Variants in TTC39C observed in about 807,000 individuals in gnomAD.
TTC39C encodes tetratricopeptide repeat protein 39C.
A neutral mutation model predicts 76.3 loss-of-function variants in TTC39C; 33 were observed. That is an observed-to-expected ratio of 0.43 (90% CI 0.33 to 0.58). The LOEUF (loss-of-function observed/expected upper bound fraction) is 0.58. TTC39C is among the 20% of genes least tolerant of loss of function. The pLI, the probability that TTC39C is intolerant of heterozygous loss-of-function variation, is 0.04. For missense variants in TTC39C, 595 were observed against 701.4 expected (o/e 0.85, Z 1.71); for synonymous variants, 254 against 260.6 (o/e 0.97, Z 0.24).
Position 24,014,884 on chromosome 18 carries a change from G to C in TTC39C, c.13G>C (p.Glu5Gln). The C allele has an allele frequency of 6.8e-7, 1 of 1,471,992 alleles. No homozygotes were observed. The highest frequency in any genetic ancestry group is 9.0e-7 in the Non-Finnish European group (1 of 1,112,362). The allele number at this position is 1,471,992 out of a possible 1,614,324, so 91.2% of individuals were successfully genotyped here. A position where few individuals can be genotyped will look rare whatever the true frequency, so the allele number is the denominator to read the frequency against. Residue 5 changes from glutamate to glutamine, a missense_variant, in exon 1 of 14, where the codon GAG (glutamate) becomes CAG (glutamine). Transcript: ENST00000317571. MAGSEQQRPRRRDDG... is the reference protein window; with the variant it reads MAGSQQQRPRRRDDG... ...GCCTCGCACGCCCATGGCCGGCTCG[G>C]AGCAGCAGCGGCCGCGGCGGCGGGA...
upstream of TTC39C, among the ~76,000 whole-genome samples, chr18:24,012,110 A>T (rs986365040): frequency 6.6e-6 from 1 of 152,178 alleles, no homozygotes; most frequent in African/African-American, 2.4e-5. Context: ...TGTCAATGCC[A>T]ACTACAGCTG....
chr18:24,064,384 A>C (rs888141907), intron 2 of TTC39C, among the ~76,000 whole-genome samples, 196 bp downstream of exon 2: 6 of 152,242 alleles, frequency 3.9e-5, no homozygotes, highest in Non-Finnish European at 8.8e-5. Context: ...AAATGCTTAC[A>C]TCTTATTTAT....
intron 1 of TTC39C, among the ~76,000 whole-genome samples, chr18:24,034,239 G>A (rs759189701): frequency 1.3e-5 from 2 of 152,172 alleles, no homozygotes; most frequent in Non-Finnish European, 2.9e-5. Flanking sequence ...ACTTCATAAG[G>A]AGTGTCACAG....
intron 1 of TTC39C, among the ~76,000 whole-genome samples, chr18:24,031,816 A>T (rs1273532257): frequency 6.6e-6 from 1 of 152,136 alleles, no homozygotes; most frequent in East Asian, 1.9e-4. Flanking sequence ...TCTACTTCCT[A>T]ATCTCTAGAA....
intron 1 of TTC39C, chr18:24,001,555 A>G (rs1193334706): frequency 1.3e-5 from 2 of 151,972 alleles, no homozygotes; most frequent in African/African-American, 4.8e-5. Flanking sequence ...CTTTCCCTTG[A>G]CTTTCTTACC....
intron 1 of TTC39C, among the ~76,000 whole-genome samples, chr18:24,048,016 A>T (rs912514170): frequency 1.3e-5 from 2 of 152,244 alleles, no homozygotes; most frequent in Admixed American, 1.3e-4. Flanking sequence ...TGTTTATTTT[A>T]TACATGGCAT....
intron 6 of TTC39C, among the ~76,000 whole-genome samples, chr18:24,104,969 A>G (rs896190149): frequency 6.6e-6 from 1 of 152,166 alleles, no homozygotes; most frequent in Non-Finnish European, 1.5e-5. Flanking sequence ...CATATTAAGA[A>G]AAAGATTGAT....
rs147473533 is a variant in TTC39C at position 24,023,640 on chromosome 18, C to G, written c.167+8602C>G. 3.5e-3 allele frequency among the ~76,000 whole-genome samples: 533 copies of G among 151,880 alleles called. 5 individuals are homozygous for G. The Middle Eastern group carries it at 0.052, about 15-fold the overall frequency. ...TAGGGGGTGGTGCTATGATAATGCT[C>G]TGATGTGATTTGCCTGCCTGGCATG... On this transcript the variant is annotated intron_variant, in intron 1 of 13. Transcript: ENST00000317571.
chr18:24,024,690 G>A (rs2083575803), intron 1 of TTC39C, among the ~76,000 whole-genome samples: 2 of 152,188 alleles, frequency 1.3e-5, no homozygotes, highest in South Asian at 4.1e-4. Flanking sequence ...ATCTCCCATC[G>A]TTAAATCCCT....
intron 1 of TTC39C, among the ~76,000 whole-genome samples, chr18:24,040,799 CTG>C (rs1477115642): frequency 6.6e-6 from 1 of 152,120 alleles, no homozygotes; most frequent in Non-Finnish European, 1.5e-5. Flanking sequence ...TGAGTTTCCA[CTG>C]TGTGTTACTT....
chr18:24,060,380 C>T (rs1234609433), intron 1 of TTC39C, among the ~76,000 whole-genome samples: 9 of 141,366 alleles, frequency 6.4e-5, no homozygotes, highest in South Asian at 4.5e-4. Flanking sequence ...TGCAGTGGCG[C>T]GATCTCGGCT....
intron 4 of TTC39C, among the ~76,000 whole-genome samples, chr18:24,071,434 T>A (rs188085270): frequency 6.6e-6 from 1 of 152,216 alleles, no homozygotes; most frequent in African/African-American, 2.4e-5. Flanking sequence ...AATATTAGTA[T>A]GGAATATTTT....
Position 24,081,007 on chromosome 18 carries a change from G to C in TTC39C, c.815+68G>C. 3 of 1,393,514 alleles carry C rather than the reference G, an allele frequency of 2.2e-6. No individual in the cohort carries two copies. The South Asian group carries it at 4.4e-5, about 20-fold the overall frequency. The allele number at this position is 1,393,514 out of a possible 1,614,324, so 86.3% of individuals were successfully genotyped here. ...TGAAAGTAAGTAAACGACAATCAAA[G>C]ACTTTAAAGGAAACTTCAGGTAAAA... is the stretch of plus-strand genomic sequence containing the variant. On this transcript the variant is annotated intron_variant, in intron 5 of 13. Coordinates refer to ENST00000317571, the MANE Select transcript of TTC39C (RefSeq NM_001135993.2).
chr18:24,048,937 C>A (rs1044419435), intron 1 of TTC39C, among the ~76,000 whole-genome samples: 3 of 152,082 alleles, frequency 2.0e-5, no homozygotes, highest in Non-Finnish European at 4.4e-5. Context: ...TTTAACAATA[C>A]AGTTATGGAA....
intron 1 of TTC39C, among the ~76,000 whole-genome samples, chr18:24,055,674 G>A (rs1004754521): frequency 6.6e-6 from 1 of 152,080 alleles, no homozygotes; most frequent in African/African-American, 2.4e-5. Context: ...ATTTTCTCCA[G>A]TTCCATAGGT....
chr18:24,004,932 A>G (rs1599225128), intron 1 of TTC39C, among the ~76,000 whole-genome samples: 1 of 152,354 alleles, frequency 6.6e-6, no homozygotes, highest in East Asian at 1.9e-4. Context: ...GCTAAAATGC[A>G]GATGCCTGGG....
At chr18:24,039,779 G>A (rs1457776388) in intron 1 of TTC39C, among the ~76,000 whole-genome samples, 1 of 152,144 alleles carries the variant, frequency 6.6e-6, no homozygotes, top group Non-Finnish European at 1.5e-5. Flanking sequence ...GAGAGCAGGG[G>A]AAATATGTGT....
rs765348755 is a variant in TTC39C, at chr18:24,125,461, C to A, written c.1331C>A (p.Ala444Glu). The A allele has an allele frequency of 1.7e-5, 28 of 1,614,038 alleles. No homozygotes were observed. The highest frequency in any genetic ancestry group is 2.7e-5 in the African/African-American group (2 of 74,908). Residue 444 changes from alanine (A) to glutamate (E), a missense_variant, in exon 10 of 14, where the codon GCG becomes GAG. Ala to Glu is a moderately radical substitution (Grantham distance 107, BLOSUM62 -1). Transcript: ENST00000317571. ...ERFRKQTPTK[A>E]LCVLASIEVL... ...TTTCGGAAGCAAACCCCAACCAAAGCGCTCTGTGTGTTGGCGTCTATTGAA... is the reference window on the plus strand; with the variant it reads ...TTTCGGAAGCAAACCCCAACCAAAGAGCTCTGTGTGTTGGCGTCTATTGAA...
In TTC39C at chr18:24,014,924, A is replaced by G. The variant is rs2083432625; in HGVS notation, c.53A>G (p.Asp18Gly). ...CGGCGGCGGGACGACGGAGACTCGG[A>G]CGCGGCAGCGGCGGCGGCGGCGCCC... ...RPRRRDDGDS[D>G]AAAAAAAPLQ... The change falls in exon 1 of 14, where the codon GAC (aspartate) becomes GGC (glycine). Residue 18 changes from aspartate (D) to glycine (G), a missense_variant. Transcript: ENST00000317571. 1 of 1,519,450 alleles carries G rather than the reference A, an allele frequency of 6.6e-7. No homozygotes were observed. Among genetic ancestry groups the G allele is most frequent in the Non-Finnish European group, 8.8e-7 (1 of 1,133,978 alleles). The allele number at this position is 1,519,450 out of a possible 1,614,324, so 94.1% of individuals were successfully genotyped here.
Sources: gnomAD v4.1 joint callset for allele counts (sites outside exome capture counted in the v4.1 genomes callset) on GRCh38, gnomAD v4.1.1 for gene constraint, MANE v1.5 for transcripts, NCBI Gene and HGNC (gene_info 2026-07-23, HGNC 2026-07-21) for gene names.